The following PTPRK variants were observed in gnomAD, a reference collection of about 807,000 sequenced individuals.
PTPRK encodes the protein receptor-type tyrosine-protein phosphatase kappa.
In PTPRK, 75 loss-of-function variants were observed where a neutral mutation model predicts 178.0. The ratio of observed to expected loss-of-function variants is 0.42; its 90% CI spans 0.35 to 0.51. The LOEUF is 0.51. Among genes scored for constraint, PTPRK ranks in the 20% least tolerant of loss-of-function variants. The pLI, the probability that PTPRK is intolerant of heterozygous loss-of-function variation, is 0.02. For synonymous variants in PTPRK, 637 were observed against 620.6 expected (o/e 1.03, Z -0.39); for missense variants, 1,441 against 1,797.8 (o/e 0.80, Z 3.59).
chr6:128,490,526 G>A (rs1467822942), intron 1 of PTPRK, among the ~76,000 whole-genome samples: 2 of 152,194 alleles, frequency 1.3e-5, no homozygotes, highest in South Asian at 2.1e-4. Flanking sequence ...CCAATACTGG[G>A]AAGTTCTGTC....
intron 27 of PTPRK, among the ~76,000 whole-genome samples, chr6:127,975,386 C>T (rs1774413534): frequency 6.6e-6 from 1 of 152,122 alleles, no homozygotes; most frequent in Admixed American, 6.5e-5. Context: ...TTGAAGTTAT[C>T]CTTTTTTTCT....
At chr6:128,027,603 T>A (rs1437955188) in intron 13 of PTPRK, among the ~76,000 whole-genome samples, 1 of 152,154 alleles carries the variant, frequency 6.6e-6, no homozygotes, top group East Asian at 1.9e-4. Context: ...GTTGTATGTT[T>A]TTTTTTTCCT....
chr6:128,242,429 A>T lies in PTPRK; in HGVS notation c.577+92T>A. The T allele has an allele frequency of 2.0e-6, 3 of 1,508,056 alleles. No individual in the cohort carries two copies. In the South Asian group the frequency reaches 4.1e-5, roughly 21 times the overall value. The allele number at this position is 1,508,056 out of a possible 1,614,324, so 93.4% of individuals were successfully genotyped here. A position where few individuals can be genotyped will look rare whatever the true frequency, so the allele number is the denominator to read the frequency against. On this transcript the variant is annotated intron_variant, in intron 4 of 29. Coordinates refer to ENST00000368226, the MANE Select transcript of PTPRK (RefSeq NM_002844.4). Reference sequence around the variant, plus strand: ...GACTAACAATAACAAGAGAGACAGCAAAAACCAAGTGATAAACAATCAATA... The same window carrying T: ...GACTAACAATAACAAGAGAGACAGCTAAAACCAAGTGATAAACAATCAATA...
intron 1 of PTPRK, among the ~76,000 whole-genome samples, chr6:128,451,182 G>A (rs1847742681): frequency 6.6e-6 from 1 of 152,236 alleles, no homozygotes; most frequent in Non-Finnish European, 1.5e-5. Context: ...CTGATTGTTT[G>A]ATACATAATG....
intron 3 of PTPRK, among the ~76,000 whole-genome samples, chr6:128,289,989 T>C (rs371975431): frequency 7.9e-5 from 12 of 152,296 alleles, no homozygotes; most frequent in African/African-American, 2.9e-4. Context: ...ACACTTGATT[T>C]GTGAAGCAGT....
At chr6:128,097,905 A>C (rs1406904656) in intron 7 of PTPRK, among the ~76,000 whole-genome samples, 1 of 152,190 alleles carries the variant, frequency 6.6e-6, no homozygotes, top group Non-Finnish European at 1.5e-5. Flanking sequence ...ACCCTAAAAA[A>C]ATGTAATATG....
chr6:128,514,991 A>T (rs1359142054), intron 1 of PTPRK, among the ~76,000 whole-genome samples: 2 of 152,236 alleles, frequency 1.3e-5, no homozygotes. Flanking sequence ...TTTATGTGAA[A>T]CTACGTTTCT....
intron 4 of PTPRK, among the ~76,000 whole-genome samples, chr6:128,240,571 G>A (rs1315268060): frequency 6.6e-6 from 1 of 152,020 alleles, no homozygotes; most frequent in Admixed American, 6.5e-5. Flanking sequence ...TAAACTACTG[G>A]CAGTGACACG....
chr6:128,124,046 T>G (rs906542725), intron 7 of PTPRK, among the ~76,000 whole-genome samples: 5 of 144,300 alleles, frequency 3.5e-5, no homozygotes, highest in South Asian at 2.2e-4. Context: ...AAACTTGTTT[T>G]TTTTTTTTTT....
At chr6:128,388,011 C>T (rs1562415037) in intron 2 of PTPRK, among the ~76,000 whole-genome samples, 1 of 151,500 alleles carries the variant, frequency 6.6e-6, no homozygotes, top group Non-Finnish European at 1.5e-5. Flanking sequence ...TTGTGTTGGG[C>T]CATATGCAAA....
At chr6:128,267,423 T>C (rs1029235813) in intron 3 of PTPRK, among the ~76,000 whole-genome samples, 1 of 152,086 alleles carries the variant, frequency 6.6e-6, no homozygotes, top group Non-Finnish European at 1.5e-5. Flanking sequence ...TTGTACCTGA[T>C]AGCCATAATA....
chr6:128,424,749 T>C (rs1281896014), intron 1 of PTPRK, among the ~76,000 whole-genome samples: 1 of 152,116 alleles, frequency 6.6e-6, no homozygotes, highest in Non-Finnish European at 1.5e-5. Context: ...AAAACATCCT[T>C]AACAACAGTA....
chr6:128,495,526 C>G (rs1854527241), intron 1 of PTPRK, among the ~76,000 whole-genome samples: 2 of 152,104 alleles, frequency 1.3e-5, no homozygotes, highest in South Asian at 4.2e-4. Flanking sequence ...TCATCCTTCC[C>G]TCTCTCTAAG....
At position 128,029,683 on chromosome 6, in the gene PTPRK, T is replaced by C. The variant is rs1359159675; in HGVS notation, c.2195-20415A>G. On this transcript the variant is annotated intron_variant, in intron 13 of 29. Coordinates refer to ENST00000368226, the MANE Select transcript of PTPRK (RefSeq NM_002844.4). ...ATAATAATAATAATAATAATAATAA[T>C]AATAATCCAGCCTCACATATTACTT... Among the ~76,000 whole-genome samples, 3 of 145,958 alleles carry C rather than the reference T, an allele frequency of 2.1e-5. No homozygotes were observed. The East Asian group carries it at 6.0e-4, about 29-fold the overall frequency.
intron 3 of PTPRK, among the ~76,000 whole-genome samples, chr6:128,311,300 G>C (rs1384048857): frequency 1.3e-5 from 2 of 152,118 alleles, no homozygotes; most frequent in East Asian, 3.8e-4. Context: ...TAAATGCTGT[G>C]TTATGGGCCC....
In PTPRK at chr6:128,167,467, G is replaced by A. The variant is rs9491917; in HGVS notation, c.1162+16965C>T. Among the ~76,000 whole-genome samples, 523 of 151,752 alleles carry A rather than the reference G, an allele frequency of 3.4e-3. 1 individual carries two copies. The highest frequency in any genetic ancestry group is 0.012 in the African/African-American group (501 of 41,426). On this transcript the variant is annotated intron_variant, in intron 7 of 29. Coordinates refer to ENST00000368226, the MANE Select transcript of PTPRK (RefSeq NM_002844.4). ...GTTTTTTTCATCTGAGATATACTGG[G>A]ATCAACTTTGTAAAATGTCAATTTT...
chr6:128,113,125 G>A (rs1004550418), intron 7 of PTPRK, among the ~76,000 whole-genome samples: 2 of 151,900 alleles, frequency 1.3e-5, no homozygotes, highest in South Asian at 2.1e-4. Context: ...TAATCTCTTC[G>A]CCTCCAGTTC....
intron 1 of PTPRK, among the ~76,000 whole-genome samples, chr6:128,486,072 TTCA>T (rs1314089826): frequency 1.3e-5 from 2 of 152,174 alleles, no homozygotes; most frequent in African/African-American, 2.4e-5. Context: ...ATTAAATAGT[TTCA>T]TATTTTCTCA....
intron 4 of PTPRK, chr6:128,241,185 C>A: frequency 1.9e-6 from 1 of 529,446 alleles, no homozygotes; most frequent in South Asian, 1.4e-5. Flanking sequence ...TATATATAAT[C>A]TGACCCTTAC....
Sources: gnomAD v4.1 joint callset for allele counts (sites outside exome capture counted in the v4.1 genomes callset) on GRCh38, gnomAD v4.1.1 for gene constraint, MANE v1.5 for transcripts, NCBI Gene and HGNC (gene_info 2026-07-23, HGNC 2026-07-21) for gene names.